Variants in PTPRN2 observed in about 807,000 individuals in gnomAD.
PTPRN2 encodes the protein protein tyrosine phosphatase receptor type N2.
In PTPRN2, 74 loss-of-function variants were observed where a neutral mutation model predicts 118.8. That is an observed-to-expected ratio of 0.62 (90% confidence interval 0.52 to 0.76). The LOEUF is 0.76. PTPRN2 is among the 30% of genes least tolerant of loss of function. The pLI is 0.00. For synonymous variants in PTPRN2, 641 were observed against 608.0 expected (o/e 1.05, Z -0.80); for missense variants, 1,481 against 1,394.4 (o/e 1.06, Z -0.99).
intron 1 of PTPRN2, among the ~76,000 whole-genome samples, chr7:158,503,342 T>C (rs1255952871): frequency 6.6e-6 from 1 of 152,254 alleles, no homozygotes; most frequent in Non-Finnish European, 1.5e-5. Flanking sequence ...CCAGCTTCTC[T>C]CTACCCTCAC....
chr7:158,400,778 C>G (rs912944496), intron 2 of PTPRN2, among the ~76,000 whole-genome samples: 4 of 152,120 alleles, frequency 2.6e-5, no homozygotes, highest in Non-Finnish European at 4.4e-5. Flanking sequence ...TGCAGGCATC[C>G]TCTACACAAA....
At chr7:157,849,127 G>C (rs1237478226) in intron 12 of PTPRN2, among the ~76,000 whole-genome samples, 1 of 152,176 alleles carries the variant, frequency 6.6e-6, no homozygotes, top group Non-Finnish European at 1.5e-5. Flanking sequence ...CCACCGGCCG[G>C]GCTGACGCTG....
At chr7:158,119,274 C>T (rs1816957994) in intron 9 of PTPRN2, among the ~76,000 whole-genome samples, 1 of 152,128 alleles carries the variant, frequency 6.6e-6, no homozygotes, top group Non-Finnish European at 1.5e-5. Context: ...TGAAAAGATG[C>T]TCAACATCAC....
At chr7:158,151,808 A>G (rs1194824851) in intron 6 of PTPRN2, among the ~76,000 whole-genome samples, 1 of 152,204 alleles carries the variant, frequency 6.6e-6, no homozygotes, top group Non-Finnish European at 1.5e-5. Context: ...AGGCGCAGAG[A>G]TAAATCCATG....
intron 2 of PTPRN2, among the ~76,000 whole-genome samples, chr7:158,469,766 G>A (rs2129444103): frequency 6.6e-6 from 1 of 150,684 alleles, no homozygotes; most frequent in East Asian, 1.9e-4. Flanking sequence ...GCAAAGAATT[G>A]GGAGCTGGGA....
intron 19 of PTPRN2, chr7:157,574,254 T>C: frequency 2.3e-6 from 1 of 433,680 alleles, no homozygotes; most frequent in Non-Finnish European, 5.1e-6. Context: ...GAGCGCACCG[T>C]CATGCAAAGC....
chr7:158,575,110 C>A (rs1214871022), intron 1 of PTPRN2, among the ~76,000 whole-genome samples: 2 of 152,178 alleles, frequency 1.3e-5, no homozygotes, highest in African/African-American at 4.8e-5. Context: ...ACAATATACC[C>A]ACACATGGTA....
intron 2 of PTPRN2, among the ~76,000 whole-genome samples, chr7:158,462,008 T>C (rs548490564): frequency 1.3e-5 from 2 of 152,296 alleles, no homozygotes; most frequent in African/African-American, 4.8e-5. Flanking sequence ...CGTCCTTGGA[T>C]AGAACCGCCT....
In PTPRN2 at chr7:158,466,566, C is replaced by A. The variant is rs79529527; in HGVS notation, c.163+23169G>T. ...GTATGTATACCACAATTGCTCTATC[C>A]ATTCATCCATCAGAAACACCTGTAC... On this transcript the variant is annotated intron_variant, in intron 2 of 22. Transcript: ENST00000389418. 2.6e-3 allele frequency among the ~76,000 whole-genome samples: 394 copies of A among 152,286 alleles called. 11 individuals carry two copies. In the South Asian group the frequency reaches 0.046, roughly 18 times the overall value.
intron 19 of PTPRN2, chr7:157,574,240 G>C (rs189860700): frequency 1.4e-4 from 53 of 383,564 alleles, no homozygotes; most frequent in African/African-American, 8.1e-4. Context: ...GGGTCACCGG[G>C]CGAGAGCGCA....
intron 6 of PTPRN2, among the ~76,000 whole-genome samples, chr7:158,144,408 T>A (rs1037168898): frequency 1.1e-4 from 16 of 152,040 alleles, no homozygotes; most frequent in Non-Finnish European, 1.5e-4. Context: ...GAGGCCAAGG[T>A]GGGCGGATTT....
intron 4 of PTPRN2, among the ~76,000 whole-genome samples, chr7:158,196,966 C>G (rs1255371473): frequency 6.6e-6 from 1 of 152,150 alleles, no homozygotes; most frequent in East Asian, 1.9e-4. Flanking sequence ...GCTCCCTAGG[C>G]AGGCACAGGA....
intron 3 of PTPRN2, among the ~76,000 whole-genome samples, chr7:158,303,168 C>CAAAAAAAAAAAAAAAA (rs542953447): frequency 3.3e-5 from 4 of 119,886 alleles, no homozygotes; most frequent in African/African-American, 1.2e-4. Flanking sequence ...ACTAACCCAC[C>CAAAAAAAAAAAAAAAA]AAAAAAAAAA....
At chr7:157,940,072 C>T (rs1799952735) in intron 11 of PTPRN2, among the ~76,000 whole-genome samples, 1 of 152,124 alleles carries the variant, frequency 6.6e-6, no homozygotes, top group Non-Finnish European at 1.5e-5. Context: ...AGAGAGGCCC[C>T]CGTTGGTATG....
chr7:157,657,330 TAC>T lies in PTPRN2; in HGVS notation c.2002-781_2002-780del, dbSNP rs1410512321. Among the ~76,000 whole-genome samples the T allele has an allele frequency of 6.2e-5, 4 of 64,558 alleles. No homozygotes were observed. The Admixed American group carries it at 8.2e-4, about 13-fold the overall frequency. The allele number at this position is 64,558 out of a possible 152,430, so 42.4% of individuals were successfully genotyped here. Reference sequence around the variant, plus strand: ...ACACACACCACACACATCACACATATACACACACATACACCACACACACCACA... The same window carrying T: ...ACACACACCACACACATCACACATATACACACATACACCACACACACCACA... On this transcript the variant is annotated intron_variant, in intron 13 of 22. Transcript: ENST00000389418.
chr7:157,633,676 TG>T (rs1232380879), intron 14 of PTPRN2, among the ~76,000 whole-genome samples: 15 of 150,232 alleles, frequency 1.0e-4, no homozygotes, highest in Non-Finnish European at 1.3e-4. Flanking sequence ...AGGGCCTGAG[TG>T]GGGGTGGGGT....
rs986906305 is a variant in PTPRN2, at chr7:157,548,960, T to C, written c.2962A>G (p.Met988Val). ...ACTGACAGTACCTTCGTCTGGACCA[T>C]GCCGGGTCTCTGGTCCCTCAAGTGC... ...LEHLRDQRPG[M>V]VQTKEQFEFA... Residue 988 changes from methionine (M) to valine (V), a missense_variant, in exon 22 of 23, where the codon ATG becomes GTG. Met to Val is a conservative substitution (Grantham distance 21). Transcript: ENST00000389418. 2 of 1,614,164 alleles carry C rather than the reference T, an allele frequency of 1.2e-6. No homozygotes were observed. The highest frequency in any genetic ancestry group is 1.7e-6 in the Non-Finnish European group (2 of 1,179,994).
intron 12 of PTPRN2, among the ~76,000 whole-genome samples, chr7:157,866,566 G>T (rs1339598613): frequency 1.3e-5 from 2 of 152,088 alleles, no homozygotes; most frequent in East Asian, 3.9e-4. Context: ...CAACCATGAG[G>T]TCTGCAGGAA....
At chr7:158,039,671 G>A (rs896151535) in intron 11 of PTPRN2, among the ~76,000 whole-genome samples, 3 of 152,162 alleles carry the variant, frequency 2.0e-5, no homozygotes, top group Non-Finnish European at 4.4e-5. Context: ...TAATGCTAAA[G>A]GCCAATCTGC....
Sources: gnomAD v4.1 joint callset for allele counts (sites outside exome capture counted in the v4.1 genomes callset) on GRCh38, gnomAD v4.1.1 for gene constraint, MANE v1.5 for transcripts, NCBI Gene and HGNC (gene_info 2026-07-23, HGNC 2026-07-21) for gene names.